SOX5: variants seen among roughly 807,000 people sequenced by gnomAD.
The protein encoded by SOX5 is transcription factor SOX-5.
In SOX5, 9 loss-of-function variants were observed where a neutral mutation model predicts 92.0. The ratio of observed to expected loss-of-function variants is 0.10; its 90% CI spans 0.06 to 0.17. The LOEUF is 0.17. Ranked by LOEUF, SOX5 falls within the 10% of genes least tolerant of loss-of-function variation. The pLI is 1.00. For missense variants in SOX5, 642 were observed against 944.5 expected (o/e 0.68, Z 4.20); for synonymous variants, 344 against 336.3 (o/e 1.02, Z -0.25).
chr12:24,198,675 T>C (rs1957237067), intron 4 of SOX5, among the ~76,000 whole-genome samples: 1 of 152,216 alleles, frequency 6.6e-6, no homozygotes, highest in Admixed American at 6.5e-5. Context: ...AAAACTCCTG[T>C]GCTTTTACAT....
At chr12:24,518,082 T>C (rs1021749996) in intron 1 of SOX5, among the ~76,000 whole-genome samples, 7 of 152,118 alleles carry the variant, frequency 4.6e-5, no homozygotes, top group Non-Finnish European at 8.8e-5. Context: ...ACTTTTTTTT[T>C]TTTTGAGGCA....
chr12:24,348,643 C>T (rs915827568), intron 2 of SOX5, among the ~76,000 whole-genome samples: 2 of 152,108 alleles, frequency 1.3e-5, no homozygotes, highest in Admixed American at 1.3e-4. Flanking sequence ...CTTGGCCTCC[C>T]AAAGTGCTGG....
At chr12:23,681,904 A>G (rs2086687769) in intron 6 of SOX5, among the ~76,000 whole-genome samples, 1 of 151,778 alleles carries the variant, frequency 6.6e-6, no homozygotes, top group Non-Finnish European at 1.5e-5. Flanking sequence ...TTTTTGTTAT[A>G]TCCATCCAGT....
At chr12:24,466,545 TAGGGGTCC>T (rs1208540068) in intron 1 of SOX5, among the ~76,000 whole-genome samples, 1 of 152,220 alleles carries the variant, frequency 6.6e-6, no homozygotes, top group Non-Finnish European at 1.5e-5. Flanking sequence ...AGTTTCTATT[TAGGGGTCC>T]AGACAGCCTC....
chr12:24,075,277 T>TTA lies in SOX5; in HGVS notation c.-2+138065_-2+138066insTA, dbSNP rs1491286853. Among the ~76,000 whole-genome samples the TTA allele has an allele frequency of 7.9e-5, 6 of 75,784 alleles. 1 individual carries two copies. In the East Asian group the frequency reaches 2.2e-3, roughly 27 times the overall value. The allele number at this position is 75,784 out of a possible 152,430, so 49.7% of individuals were successfully genotyped here. On this transcript the variant is annotated intron_variant, in intron 4 of 4. Coordinates refer to the SOX5 transcript ENST00000446891. ...AGAGTAAGACCCTGTCTCAAATTATTAAAAAAAAAAAAAAAAAAAAAAAAA... is the reference window on the plus strand; with the variant it reads ...AGAGTAAGACCCTGTCTCAAATTATTTAAAAAAAAAAAAAAAAAAAAAAAAAA...
chr12:23,934,364 A>G lies in SOX5; in HGVS notation c.38+15200T>C, dbSNP rs1334613858. On this transcript the variant is annotated intron_variant, in intron 1 of 14. Transcript: ENST00000451604. ...ACACATACATACATATAAAATATTC[A>G]TGTCAAAAATCAATTTTATATATTA... 2.0e-5 allele frequency among the ~76,000 whole-genome samples: 3 copies of G among 150,584 alleles called. No homozygotes were observed. In the Admixed American group the frequency reaches 2.0e-4, roughly 10 times the overall value.
intron 1 of SOX5, among the ~76,000 whole-genome samples, chr12:24,430,733 T>C (rs1350331739): frequency 6.6e-6 from 1 of 152,196 alleles, no homozygotes; most frequent in East Asian, 1.9e-4. Flanking sequence ...ATATCACTTA[T>C]TTTCAAGAAC....
chr12:24,544,307 T>C (rs1952413754), intron 1 of SOX5, among the ~76,000 whole-genome samples: 1 of 152,192 alleles, frequency 6.6e-6, no homozygotes, highest in Non-Finnish European at 1.5e-5. Context: ...TAAGAACTTA[T>C]TATACATATG....
chr12:23,618,758 T>G (rs991133846), intron 8 of SOX5, among the ~76,000 whole-genome samples: 1 of 152,160 alleles, frequency 6.6e-6, no homozygotes, highest in Admixed American at 6.6e-5. Flanking sequence ...GAAGTCCAAG[T>G]GGCCCTGAAA....
chr12:23,638,254 CAA>C, intron 8 of SOX5: 1 of 152,184 alleles, frequency 6.6e-6, no homozygotes, highest in South Asian at 2.1e-4. Context: ...GCTGAAGAAG[CAA>C]AAGAGTAAGC....
At chr12:24,109,605 T>C (rs566935594) in intron 4 of SOX5, among the ~76,000 whole-genome samples, 2 of 152,286 alleles carry the variant, frequency 1.3e-5, no homozygotes, top group African/African-American at 2.4e-5. Flanking sequence ...ATATCGAAGC[T>C]AGCTGCATCT....
intron 4 of SOX5, among the ~76,000 whole-genome samples, chr12:24,202,594 C>T (rs2139565798): frequency 6.6e-6 from 1 of 152,224 alleles, no homozygotes. Flanking sequence ...GTCATGTTTT[C>T]TTCATCTCTT....
chr12:23,566,208 C>T (rs181854238), intron 10 of SOX5, among the ~76,000 whole-genome samples: 11 of 152,270 alleles, frequency 7.2e-5, no homozygotes, highest in Admixed American at 1.3e-4. Flanking sequence ...CTCTTTTCTC[C>T]GAAAACAAGC....
At chr12:23,921,618 C>T (rs1938310014) in intron 1 of SOX5, among the ~76,000 whole-genome samples, 1 of 152,132 alleles carries the variant, frequency 6.6e-6, no homozygotes. Context: ...CTCCCCAGCT[C>T]CCTGTAAACC....
chr12:23,933,509 T>C (rs1254437493), intron 1 of SOX5, among the ~76,000 whole-genome samples: 1 of 151,592 alleles, frequency 6.6e-6, no homozygotes, highest in Non-Finnish European at 1.5e-5. Flanking sequence ...AAATAAATCA[T>C]GAGAAAGCAT....
intron 4 of SOX5, among the ~76,000 whole-genome samples, chr12:24,040,868 G>T (rs946978485): frequency 6.6e-6 from 1 of 151,848 alleles, no homozygotes; most frequent in African/African-American, 2.4e-5. Flanking sequence ...GCAAGACGCT[G>T]TCTCAAGGAA....
intron 3 of SOX5, among the ~76,000 whole-genome samples, chr12:24,225,162 C>T (rs945821489): frequency 5.9e-5 from 9 of 152,202 alleles, no homozygotes; most frequent in South Asian, 2.1e-4. Flanking sequence ...ACATACCCTC[C>T]GCTTTCTTTC....
intron 4 of SOX5, among the ~76,000 whole-genome samples, chr12:24,046,245 T>G (rs1417696653): frequency 2.0e-5 from 3 of 147,996 alleles, no homozygotes; most frequent in African/African-American, 7.4e-5. Context: ...GAAGAGAATT[T>G]CTAAAAGGTA....
chr12:24,482,840 T>C (rs1946145428), intron 1 of SOX5, among the ~76,000 whole-genome samples: 1 of 152,306 alleles, frequency 6.6e-6, no homozygotes, highest in South Asian at 2.1e-4. Flanking sequence ...GAATAAAAGA[T>C]TGTTCTAAAT....
Sources: allele counts gnomAD v4.1 joint callset (sites outside exome capture counted in the v4.1 genomes callset), GRCh38; gene constraint gnomAD v4.1.1; transcripts MANE v1.5; gene names NCBI Gene and HGNC (gene_info 2026-07-23, HGNC 2026-07-21).